The following LRRC37A2 variants were observed in gnomAD, a reference collection of about 807,000 sequenced individuals.
LRRC37A2 encodes leucine-rich repeat-containing protein 37A2.
Under a neutral mutation model 68.8 loss-of-function variants are expected in LRRC37A2, and 9 were observed. The observed-to-expected ratio is 0.13, with a 90% confidence interval of 0.08 to 0.23. LRRC37A2 has a LOEUF of 0.23. Among genes scored for constraint, LRRC37A2 ranks in the 10% least tolerant of loss-of-function variants. LRRC37A2 has a pLI of 1.00. For synonymous variants in LRRC37A2, 63 were observed against 367.6 expected (o/e 0.17, Z 9.48); for missense variants, 168 against 950.4 (o/e 0.18, Z 10.82).
the LRRC37A2 span, among the ~76,000 whole-genome samples, chr17:47,006,030 A>C: frequency 6.6e-6 from 1 of 152,176 alleles, no homozygotes; most frequent in Non-Finnish European, 1.5e-5. Context: ...AAAATTAGCC[A>C]GGTGGGTGGC....
chr17:46,779,591 T>C, the LRRC37A2 span, among the ~76,000 whole-genome samples: 2 of 152,200 alleles, frequency 1.3e-5, no homozygotes, highest in African/African-American at 4.8e-5. Flanking sequence ...ACTTTGGTGT[T>C]GACCCCTTGG....
chr17:46,872,396 GC>G, the LRRC37A2 span: 1 of 1,351,984 alleles, frequency 7.4e-7, no homozygotes. Flanking sequence ...GGGACCTCCA[GC>G]GGGTCAGCCT....
the LRRC37A2 span, among the ~76,000 whole-genome samples, chr17:46,925,481 G>C: frequency 6.6e-6 from 1 of 152,318 alleles, no homozygotes; most frequent in African/African-American, 2.4e-5. Context: ...TGCTGAACCA[G>C]GAGTGGGAGT....
At chr17:46,946,151 G>T in the LRRC37A2 span, among the ~76,000 whole-genome samples, 7 of 152,082 alleles carry the variant, frequency 4.6e-5, no homozygotes, top group East Asian at 7.7e-4. Context: ...AATTAAAAAT[G>T]TAGGCTGGGC....
chr17:46,715,766 A>G, the LRRC37A2 span, among the ~76,000 whole-genome samples: 10 of 152,228 alleles, frequency 6.6e-5, no homozygotes, highest in Admixed American at 3.9e-4. Flanking sequence ...GGTTAAATTA[A>G]TGGTTTAATA....
At chr17:46,923,026 C>T in the LRRC37A2 span, 1 of 652,078 alleles carries the variant, frequency 1.5e-6, no homozygotes. Context: ...ATTTCTCCTT[C>T]CCCTTCTCCG....
At chr17:47,033,387 T>A in the LRRC37A2 span, 2 of 698,148 alleles carry the variant, frequency 2.9e-6, no homozygotes, top group Non-Finnish European at 5.2e-6. Context: ...CGAACCTATG[T>A]AGGTGAATAA....
chr17:46,677,931 C>T, the LRRC37A2 span, among the ~76,000 whole-genome samples: 1 of 144,260 alleles, frequency 6.9e-6, no homozygotes. Context: ...CCCTGAAGGG[C>T]TACACCATAG....
the LRRC37A2 span, among the ~76,000 whole-genome samples, chr17:46,956,315 A>G: frequency 8.8e-5 from 7 of 79,564 alleles, no homozygotes; most frequent in Admixed American, 6.3e-4. Flanking sequence ...TTTGAGACAG[A>G]GTTTCGCTTT....
chr17:47,029,731 C>T, the LRRC37A2 span, among the ~76,000 whole-genome samples: 6 of 152,176 alleles, frequency 3.9e-5, no homozygotes, highest in South Asian at 8.3e-4. Context: ...ATGTTTTAAA[C>T]TCACCATCTT....
chr17:46,494,261 C>T, the LRRC37A2 span, among the ~76,000 whole-genome samples: 5 of 150,738 alleles, frequency 3.3e-5, no homozygotes, highest in East Asian at 1.9e-4. Context: ...ATTGTCTTAG[C>T]GGTGTCTTTT....
chr17:46,923,958 G>T, the LRRC37A2 span: 1 of 398,198 alleles, frequency 2.5e-6, no homozygotes, highest in Non-Finnish European at 4.4e-6. Context: ...GGAATTTTAT[G>T]ATTTTTATTT....
At chr17:46,800,166 A>G in the LRRC37A2 span, among the ~76,000 whole-genome samples, 1 of 152,126 alleles carries the variant, frequency 6.6e-6, no homozygotes, top group African/African-American at 2.4e-5. Context: ...GCTGGAGTGC[A>G]GTGGCGCGAT....
the LRRC37A2 span, among the ~76,000 whole-genome samples, chr17:46,821,420 G>A: frequency 3.3e-5 from 5 of 152,328 alleles, no homozygotes; most frequent in African/African-American, 1.2e-4. Context: ...GGGTGGAAAC[G>A]CAGGAATGGT....
the LRRC37A2 span, among the ~76,000 whole-genome samples, chr17:46,962,996 G>A: frequency 0.036 from 5,529 of 152,064 alleles, 186 homozygotes; most frequent in African/African-American, 0.092. Context: ...AAGAAACTGA[G>A]GCTTGGAAAG....
the LRRC37A2 span, chr17:46,755,793 C>G: frequency 4.6e-5 from 67 of 1,450,582 alleles, no homozygotes; most frequent in Non-Finnish European, 5.4e-5. Context: ...TTTGGTATTT[C>G]TTTTGCAGTA....
the LRRC37A2 span, among the ~76,000 whole-genome samples, chr17:46,958,810 CAT>C: frequency 6.6e-6 from 1 of 152,246 alleles, no homozygotes; most frequent in Non-Finnish European, 1.5e-5. Flanking sequence ...AAAGCTGACA[CAT>C]GACATAGGTT....
At chr17:46,799,406 C>T in the LRRC37A2 span, among the ~76,000 whole-genome samples, 1 of 150,252 alleles carries the variant, frequency 6.7e-6, no homozygotes, top group African/African-American at 2.5e-5. Flanking sequence ...TGTAGAACAT[C>T]TTTAATGATT....
the LRRC37A2 span, among the ~76,000 whole-genome samples, chr17:46,846,566 A>G: frequency 6.6e-6 from 1 of 152,226 alleles, no homozygotes; most frequent in South Asian, 2.1e-4. Context: ...AGAGGCAGGA[A>G]TTGTCAGTCA....
Sources: gnomAD v4.1 joint callset for allele counts (sites outside exome capture counted in the v4.1 genomes callset) on GRCh38, gnomAD v4.1.1 for gene constraint, MANE v1.5 for transcripts, NCBI Gene and HGNC (gene_info 2026-07-23, HGNC 2026-07-21) for gene names.